KLHL6: variants seen among roughly 807,000 people sequenced by gnomAD.
KLHL6 encodes the protein kelch like family member 6, also known as kelch-like protein 6.
Under a neutral mutation model 58.6 loss-of-function variants are expected in KLHL6, and 41 were observed. The ratio of observed to expected loss-of-function variants is 0.70; its 90% confidence interval spans 0.55 to 0.91. The LOEUF (loss-of-function observed/expected upper bound fraction) is 0.91. Among genes scored for constraint, KLHL6 ranks in the 40% least tolerant of loss-of-function variants. The pLI is 0.00. For synonymous variants in KLHL6, 338 were observed against 322.7 expected (o/e 1.05, Z -0.51); for missense variants, 714 against 805.6 (o/e 0.89, Z 1.38).
At position 183,490,159 on chromosome 3, in the gene KLHL6, T is replaced by C. The variant is rs1353165584; in HGVS notation, c.*1768A>G. On this transcript the variant is annotated 3_prime_UTR_variant, in exon 7 of 7. Transcript: ENST00000341319. ...AGCTCTTACAGTGAAGGACAGATTC[T>C]GTTCTTTAAGTCACAATTGAGCTAC... 1.3e-5 allele frequency: 2 copies of C among 152,220 alleles called. No homozygotes were observed. Among genetic ancestry groups the C allele is most frequent in the African/African-American group, 4.8e-5 (2 of 41,462 alleles). The allele number at this position is 152,220 out of a possible 1,614,324, so 9.4% of individuals were successfully genotyped here.
intron 2 of KLHL6, among the ~76,000 whole-genome samples, chr3:183,512,756 G>A (rs1289929889): frequency 6.6e-6 from 1 of 152,058 alleles, no homozygotes; most frequent in African/African-American, 2.4e-5. Context: ...CTCCCAAAGT[G>A]TTGGCATTAC....
chr3:183,512,570 C>T (rs1718218905), intron 2 of KLHL6, among the ~76,000 whole-genome samples: 1 of 151,948 alleles, frequency 6.6e-6, no homozygotes, highest in Non-Finnish European at 1.5e-5. Flanking sequence ...TGGCTCACCA[C>T]AGCCTCCGCC....
chr3:183,545,520 T>C (rs1173806074), intron 1 of KLHL6, among the ~76,000 whole-genome samples: 4 of 152,230 alleles, frequency 2.6e-5, no homozygotes, highest in South Asian at 2.1e-4. Context: ...AATTGAAGAA[T>C]AGATTTTCTA....
intron 4 of KLHL6, among the ~76,000 whole-genome samples, chr3:183,498,015 C>G (rs1307856617): frequency 6.6e-6 from 1 of 152,220 alleles, no homozygotes; most frequent in East Asian, 1.9e-4. Context: ...GCGGGTGGAT[C>G]ACAAGGTCAG....
chr3:183,522,919 G>A (rs62287220), intron 2 of KLHL6: 67,687 of 152,014 alleles, frequency 0.45, 17,269 homozygotes, highest in Non-Finnish European at 0.58. Flanking sequence ...AGGTTCAATC[G>A]ATTCCCTTCT....
chr3:183,555,460 AG>A lies in KLHL6; in HGVS notation c.193del (p.Leu65CysfsTer7). The A allele has an allele frequency of 1.2e-6, 2 of 1,614,182 alleles. No individual in the cohort carries two copies. The highest frequency in any genetic ancestry group is 1.7e-6 in the Non-Finnish European group (2 of 1,180,026). ...ATCTGTCAGAGCGTTTTCCATTCGC[AG>A]GGTTTCCAGGCCATTCTGAAGAATT... ...SLILQNGLET[L>X]RMENALTDVI... On this transcript the variant is annotated frameshift_variant, in exon 1 of 7. Coordinates refer to ENST00000341319, the MANE Select transcript of KLHL6 (RefSeq NM_130446.4). LOFTEE classifies it high-confidence loss of function.
At chr3:183,495,615 A>G (rs905232323) in intron 4 of KLHL6, among the ~76,000 whole-genome samples, 5 of 151,206 alleles carry the variant, frequency 3.3e-5, no homozygotes, top group African/African-American at 9.7e-5. Context: ...TATTGTGTGC[A>G]TAAATCAGAA....
intron 3 of KLHL6, among the ~76,000 whole-genome samples, chr3:183,505,254 C>G (rs1560094791): frequency 6.6e-6 from 1 of 152,230 alleles, no homozygotes; most frequent in African/African-American, 2.4e-5. Flanking sequence ...GACACACAGA[C>G]TGTTTAGCAG....
At chr3:183,531,441 G>GTCTT (rs1367673441) in intron 1 of KLHL6, among the ~76,000 whole-genome samples, 1 of 102,100 alleles carries the variant, frequency 9.8e-6, no homozygotes, top group African/African-American at 3.5e-5. Context: ...TTTTTTGTCT[G>GTCTT]TGTTTTTTTT....
chr3:183,549,515 C>T (rs1033625105), intron 1 of KLHL6, among the ~76,000 whole-genome samples: 1 of 152,140 alleles, frequency 6.6e-6, no homozygotes, highest in Non-Finnish European at 1.5e-5. Context: ...GAATGGCACT[C>T]GTCAGGTCGG....
chr3:183,531,085 C>T (rs181648606), intron 1 of KLHL6, among the ~76,000 whole-genome samples: 217 of 152,164 alleles, frequency 1.4e-3, no homozygotes, highest in African/African-American at 4.9e-3. Flanking sequence ...CCACCTACCT[C>T]GGCCTCCCAA....
chr3:183,507,249 G>A (rs1199523518), intron 3 of KLHL6, among the ~76,000 whole-genome samples: 2 of 152,128 alleles, frequency 1.3e-5, no homozygotes, highest in African/African-American at 2.4e-5. Flanking sequence ...GCCAGACTTG[G>A]GGGAGGAAGA....
chr3:183,505,163 G>T (rs1344204300), intron 3 of KLHL6, among the ~76,000 whole-genome samples: 1 of 152,184 alleles, frequency 6.6e-6, no homozygotes, highest in Non-Finnish European at 1.5e-5. Context: ...ATCCAGCATA[G>T]AATAGGACCT....
Position 183,527,343 on chromosome 3 carries a change from C to T in KLHL6, c.459+502G>A, listed in dbSNP as rs1013807485. ...AGTCAAGTGACTAGCAGGAAAATAT[C>T]TGAAACATACATTACAAAAGATTAT... is the stretch of plus-strand genomic sequence containing the variant. On this transcript the variant is annotated intron_variant, in intron 2 of 6. Coordinates refer to ENST00000341319, the MANE Select transcript of KLHL6 (RefSeq NM_130446.4). Among the ~76,000 whole-genome samples the T allele has an allele frequency of 1.4e-4, 22 of 152,110 alleles. 1 individual carries two copies. The highest frequency in any genetic ancestry group is 1.2e-3 in the Admixed American group (19 of 15,264).
Position 183,508,039 on chromosome 3 carries a change from A to G in KLHL6, c.909+20T>C. 6.2e-7 allele frequency: 1 copy of G among 1,602,006 alleles called. No individual in the cohort carries two copies. Among genetic ancestry groups the G allele is most frequent in the East Asian group, 2.2e-5 (1 of 44,676 alleles). On this transcript the variant is annotated intron_variant, in intron 3 of 6. Transcript: ENST00000341319. ...CCTTACTTCGCTGGTTAAATATAGCACCTCTTATCTTCTACTCACCTCATT... is the reference window on the plus strand; with the variant it reads ...CCTTACTTCGCTGGTTAAATATAGCGCCTCTTATCTTCTACTCACCTCATT...
chr3:183,507,556 C>A (rs553479492), intron 3 of KLHL6, among the ~76,000 whole-genome samples: 1 of 152,168 alleles, frequency 6.6e-6, no homozygotes, highest in African/African-American at 2.4e-5. Context: ...CTCAGCCTCC[C>A]GAGTAGCTGA....
intron 1 of KLHL6, among the ~76,000 whole-genome samples, chr3:183,546,000 T>G (rs1177577984): frequency 5.3e-5 from 8 of 152,234 alleles, no homozygotes; most frequent in Non-Finnish European, 8.8e-5. Flanking sequence ...ACAGGATGTC[T>G]GCTGAGTGTC....
intron 1 of KLHL6, among the ~76,000 whole-genome samples, chr3:183,539,040 C>G (rs1242774151): frequency 2.0e-5 from 3 of 152,172 alleles, no homozygotes; most frequent in Non-Finnish European, 4.4e-5. Context: ...AGCAGTAGGG[C>G]TGGAGGTATG....
At position 183,514,232 on chromosome 3, in the gene KLHL6, T is replaced by C. The variant is rs574455293; in HGVS notation, c.460-5724A>G. ...AGTGTGGAAGGACACTTGAGATAAA[T>C]GCTATGGACCAGAGTCCAGGGACTC... On this transcript the variant is annotated intron_variant, in intron 2 of 6. Transcript: ENST00000341319. 5.9e-5 allele frequency among the ~76,000 whole-genome samples: 9 copies of C among 152,260 alleles called. 1 individual carries two copies. The South Asian group carries it at 1.9e-3, about 32-fold the overall frequency.
Sources: allele counts gnomAD v4.1 joint callset (sites outside exome capture counted in the v4.1 genomes callset), GRCh38; gene constraint gnomAD v4.1.1; transcripts MANE v1.5; gene names NCBI Gene and HGNC (gene_info 2026-07-23, HGNC 2026-07-21).